The following ZBTB14 variants were observed in gnomAD, a reference collection of about 807,000 sequenced individuals.
The protein encoded by ZBTB14 is zinc finger and BTB domain containing 14, also known as zinc finger and BTB domain-containing protein 14.
A neutral mutation model predicts 29.5 loss-of-function variants in ZBTB14; 8 were observed. The observed-to-expected ratio is 0.27, with a 90% CI of 0.16 to 0.49. ZBTB14 has a LOEUF of 0.49. Among genes scored for constraint, ZBTB14 ranks in the 20% least tolerant of loss-of-function variants. ZBTB14 has a pLI of 0.99. For missense variants in ZBTB14, 333 were observed against 563.8 expected (o/e 0.59, Z 4.15); for synonymous variants, 226 against 207.2 (o/e 1.09, Z -0.78).
At chr18:5,295,310 G>A (rs1423122715) in intron 1 of ZBTB14, among the ~76,000 whole-genome samples, 2 of 144,070 alleles carry the variant, frequency 1.4e-5, no homozygotes, top group Non-Finnish European at 3.1e-5. Flanking sequence ...GCGCGCGGCC[G>A]GCTAACCCAA....
Position 5,291,370 on chromosome 18 carries a change from G to C in ZBTB14, c.838C>G (p.Gln280Glu). 6.2e-7 allele frequency: 1 copy of C among 1,614,206 alleles called. No homozygotes were observed. ...TCAGAAAACGTCTTCCCACACGCCTGGCAGGCAATCTGCTCCCGATGGTGA... is the reference window on the plus strand; with the variant it reads ...TCAGAAAACGTCTTCCCACACGCCTCGCAGGCAATCTGCTCCCGATGGTGA... The part of the protein sequence containing the change: ...YGHHREQIAC[Q>E]ACGKTFSDEG... Residue 280 changes from glutamine to glutamate, a missense_variant, in exon 4 of 4, where the codon CAG (glutamine) becomes GAG (glutamate). This residue lies in a region of ZBTB14 where 140 missense variants were observed against 274.6 expected (regional missense o/e 0.51). Transcript: ENST00000651870. The surrounding 1 kb of genome is among the most constrained non-coding windows in gnomAD (Gnocchi z 5.8).
chr18:5,293,087 TA>T (rs551171461), intron 3 of ZBTB14, among the ~76,000 whole-genome samples, 156 bp downstream of exon 3: 349 of 152,374 alleles, frequency 2.3e-3, no homozygotes, highest in Non-Finnish European at 4.3e-3. Context: ...AAGCATTCTC[TA>T]TGTTTCCTTT....
At chr18:5,292,789 A>G (rs2071847155) in intron 3 of ZBTB14, among the ~76,000 whole-genome samples, 1 of 152,234 alleles carries the variant, frequency 6.6e-6, no homozygotes, top group African/African-American at 2.4e-5. Context: ...AGAACTAGAG[A>G]GGAACATTAC....
upstream of ZBTB14, among the ~76,000 whole-genome samples, chr18:5,296,547 T>G (rs1423394675): frequency 6.6e-6 from 1 of 151,678 alleles, no homozygotes; most frequent in African/African-American, 2.4e-5. Context: ...CCCGGCCACT[T>G]TCGCCCTCCG....
At chr18:5,295,337 C>CG (rs1331100884) in intron 1 of ZBTB14, among the ~76,000 whole-genome samples, 1 of 143,620 alleles carries the variant, frequency 7.0e-6, no homozygotes, top group Non-Finnish European at 1.5e-5. Context: ...CGGGCGCACC[C>CG]GGGAGTGCGT....
At chr18:5,294,586 C>G (rs1190391593) in intron 1 of ZBTB14, among the ~76,000 whole-genome samples, 1 of 152,178 alleles carries the variant, frequency 6.6e-6, no homozygotes, top group Non-Finnish European at 1.5e-5. Flanking sequence ...GCCCCGCCCC[C>G]CTTGCCATTG....
rs980569692 is a variant in ZBTB14 at position 5,290,703 on chromosome 18, A to C, written c.*155T>G. On this transcript the variant is annotated 3_prime_UTR_variant, in exon 4 of 4. Coordinates refer to ENST00000651870, the MANE Select transcript of ZBTB14 (RefSeq NM_001243702.2). The stretch of plus-strand genomic sequence containing the variant: ...AACTGAGGAACACCATTTCCTTGAA[A>C]AGTCTTAAAAATAGCTAACCAAGCA... 1 of 1,168,926 alleles carries C rather than the reference A, an allele frequency of 8.6e-7. No homozygotes were observed. The highest frequency in any genetic ancestry group is 1.5e-5 in the African/African-American group (1 of 64,806). 72.4% of individuals were successfully genotyped at this position (1,168,926 alleles called of 1,614,324 possible). A position where few individuals can be genotyped will look rare whatever the true frequency, so the allele number is the denominator to read the frequency against.
chr18:5,295,193 G>GCGCCGCGCCC (rs1555617852), intron 1 of ZBTB14, among the ~76,000 whole-genome samples: 8 of 144,086 alleles, frequency 5.6e-5, no homozygotes, highest in Non-Finnish European at 1.1e-4. Flanking sequence ...GCCCCGCGCC[G>GCGCCGCGCCC]CGCCGCGCCC....
rs1263026609 is a variant in ZBTB14, at chr18:5,289,813, A to C, written c.*1045T>G. ...ACGTAAGACCAACACTACTATTTAC[A>C]CACTTAAAAGATTTTAAATTTATTA... On this transcript the variant is annotated 3_prime_UTR_variant, in exon 4 of 4. Coordinates refer to ENST00000651870, the MANE Select transcript of ZBTB14 (RefSeq NM_001243702.2). 6.5e-6 allele frequency: 1 copy of C among 152,672 alleles called. No individual in the cohort carries two copies. The highest frequency in any genetic ancestry group is 2.4e-5 in the African/African-American group (1 of 41,458). 9.5% of individuals were successfully genotyped at this position (152,672 alleles called of 1,614,324 possible).
intron 1 of ZBTB14, among the ~76,000 whole-genome samples, chr18:5,295,009 C>T (rs1598348970): frequency 6.6e-6 from 1 of 152,124 alleles, no homozygotes; most frequent in Non-Finnish European, 1.5e-5. Context: ...GCACTCCTTC[C>T]CAGACAAAAG....
Position 5,292,904 on chromosome 18 carries a change from G to A in ZBTB14, c.3+340C>T, listed in dbSNP as rs372592561. Among the ~76,000 whole-genome samples the A allele has an allele frequency of 8.5e-5, 13 of 152,202 alleles. 1 individual carries two copies. In the East Asian group the frequency reaches 1.3e-3, roughly 16 times the overall value. Reference sequence around the variant, plus strand: ...TAATCTGACCTTAAGAGAATGAGATGACATTTGGGAAGTGGCTTTGTTCTC... The same window carrying A: ...TAATCTGACCTTAAGAGAATGAGATAACATTTGGGAAGTGGCTTTGTTCTC... On this transcript the variant is annotated intron_variant, in intron 3 of 3. Transcript: ENST00000651870.
Position 5,293,333 on chromosome 18 carries a change from G to A in ZBTB14, c.-81-6C>T. ...TGATCAGGAGCACGCCAGACCTACA[G>A]AGGAAAGGATAAACAAGAATGAGGT... On this transcript the variant is annotated splice_region_variant and splice_polypyrimidine_tract_variant and intron_variant, in intron 2 of 3. Coordinates refer to ENST00000651870, the MANE Select transcript of ZBTB14 (RefSeq NM_001243702.2). The A allele has an allele frequency of 4.3e-6, 6 of 1,383,134 alleles. No individual in the cohort carries two copies. In the South Asian group the frequency reaches 5.2e-5, roughly 12 times the overall value. The allele number at this position is 1,383,134 out of a possible 1,614,324, so 85.7% of individuals were successfully genotyped here.
In ZBTB14 at chr18:5,291,566, A is replaced by C; in HGVS notation, c.642T>G (p.Asn214Lys). 6.2e-7 allele frequency: 1 copy of C among 1,613,864 alleles called. No individual in the cohort carries two copies. The highest frequency in any genetic ancestry group is 8.5e-7 in the Non-Finnish European group (1 of 1,180,020). Residue 214 changes from asparagine (N) to lysine (K), a missense_variant, in exon 4 of 4, where the codon AAT (asparagine) becomes AAG (lysine). Asn to Lys is a moderately conservative substitution (Grantham distance 94, BLOSUM62 0). This residue lies in a region of ZBTB14 where 126 missense variants were observed against 132.2 expected (regional missense o/e 0.95). Coordinates refer to ENST00000651870, the MANE Select transcript of ZBTB14 (RefSeq NM_001243702.2). The surrounding 1 kb of genome is among the most constrained non-coding windows in gnomAD (Gnocchi z 5.8). ...TGGATTCTACTTCCTGGCCGTAGCAATTGACCTTCCGAACTTCCTCACTCC... is the reference window on the plus strand; with the variant it reads ...TGGATTCTACTTCCTGGCCGTAGCACTTGACCTTCCGAACTTCCTCACTCC... ...ELGSEEVRKV[N>K]CYGQEVESME...
chr18:5,294,899 G>A (rs923709803), intron 1 of ZBTB14: 21 of 152,286 alleles, frequency 1.4e-4, no homozygotes, highest in African/African-American at 4.1e-4. Flanking sequence ...TCGGGAGGAA[G>A]CAGGGAGCCA....
At chr18:5,295,488 G>A (rs1193181574) in intron 1 of ZBTB14, among the ~76,000 whole-genome samples, 164 bp downstream of exon 1, 1 of 144,964 alleles carries the variant, frequency 6.9e-6, no homozygotes, top group African/African-American at 2.5e-5. Flanking sequence ...CACTGCGGCG[G>A]TGCGAGCGGG....
upstream of ZBTB14, chr18:5,296,208 G>A (rs886975102): frequency 6.6e-6 from 1 of 151,188 alleles, no homozygotes; most frequent in South Asian, 2.1e-4. Context: ...GGCCGCCCCC[G>A]GAGGGCCCTG....
chr18:5,292,085 C>T lies in ZBTB14; in HGVS notation c.123G>A (p.Val41=). 6.2e-7 allele frequency: 1 copy of T among 1,609,708 alleles called. No homozygotes were observed. Residue 41 remains valine (V), a synonymous_variant, in exon 4 of 4, where the codon GTG becomes GTA. Coordinates refer to ENST00000651870, the MANE Select transcript of ZBTB14 (RefSeq NM_001243702.2). ...GTGCTCTGAATTTCACATCCTCAAC[C>T]ACAATAGCAATATCACAAAATTCTC... The part of the protein sequence containing the change: ...LEGEFCDIAI[V]VEDVKFRAHR...
Position 5,291,193 on chromosome 18 carries a change from C to T in ZBTB14, c.1015G>A (p.Gly339Arg), listed in dbSNP as rs960148609. The change falls in exon 4 of 4, where the codon GGA becomes AGA. Residue 339 changes from glycine to arginine, a missense_variant. Around this residue, in one of 3 missense-constraint regions of ZBTB14, gnomAD observed 140 missense variants for 274.6 expected, o/e 0.51. Transcript: ENST00000651870. The surrounding 1 kb of genome is among the most constrained non-coding windows in gnomAD (Gnocchi z 5.8). ...GYKPYSCEVCGKSFIRAPDLK... is the reference protein window; with the variant it reads ...GYKPYSCEVCRKSFIRAPDLK... ...TCTGGGGCACGGATAAATGATTTTC[C>T]ACACACCTCACAGCTATAGGGCTTA... 1 of 1,614,202 alleles carries T rather than the reference C, an allele frequency of 6.2e-7. No homozygotes were observed. Among genetic ancestry groups the T allele is most frequent in the African/African-American group, 1.3e-5 (1 of 75,052 alleles).
chr18:5,295,244 C>G (rs2071923906), intron 1 of ZBTB14, among the ~76,000 whole-genome samples: 2 of 145,130 alleles, frequency 1.4e-5, no homozygotes, highest in Admixed American at 1.4e-4. Context: ...CCGCGCACTC[C>G]CCGGCCAGCT....
Sources: gnomAD v4.1 joint callset for allele counts (sites outside exome capture counted in the v4.1 genomes callset) on GRCh38, gnomAD v4.1.1 for gene constraint, gnomAD v4.1.1 regional missense constraint, Gnocchi (gnomAD v3.1) non-coding constraint, MANE v1.5 for transcripts, NCBI Gene and HGNC (gene_info 2026-07-23, HGNC 2026-07-21) for gene names.